NKAIN3: variants seen among roughly 807,000 people sequenced by gnomAD.
NKAIN3 encodes the protein sodium/potassium transporting ATPase interacting 3, also known as sodium/potassium-transporting ATPase subunit beta-1-interacting protein 3.
NKAIN3 carries 25 observed loss-of-function variants against 30.2 expected under a neutral mutation model. The observed-to-expected ratio is 0.83, with a 90% CI of 0.60 to 1.16. NKAIN3 has a LOEUF of 1.16. Among genes scored for constraint, NKAIN3 ranks in the 50% most tolerant of loss-of-function variants. The pLI is 0.00. For missense variants in NKAIN3, 225 were observed against 254.1 expected (o/e 0.89, Z 0.78); for synonymous variants, 91 against 89.6 (o/e 1.02, Z -0.09).
chr8:62,853,781 C>T (rs1223116584), intron 4 of NKAIN3, among the ~76,000 whole-genome samples: 3 of 152,082 alleles, frequency 2.0e-5, no homozygotes, highest in African/African-American at 7.2e-5. Context: ...GTTCTTTTAA[C>T]TGTGATGTTA....
chr8:62,417,035 C>T (rs1804468094), intron 1 of NKAIN3, among the ~76,000 whole-genome samples: 3 of 151,400 alleles, frequency 2.0e-5, no homozygotes, highest in Admixed American at 2.0e-4. Flanking sequence ...TATAGTCACC[C>T]TGTTGTACCA....
chr8:62,297,928 G>A (rs1813893566), intron 1 of NKAIN3, among the ~76,000 whole-genome samples: 1 of 152,192 alleles, frequency 6.6e-6, no homozygotes, highest in African/African-American at 2.4e-5. Context: ...CAACCCAAAT[G>A]TCCAACAATG....
At chr8:62,555,397 A>T (rs186158715) in intron 1 of NKAIN3, among the ~76,000 whole-genome samples, 1 of 152,244 alleles carries the variant, frequency 6.6e-6, no homozygotes. Context: ...TATTTGAATA[A>T]GAAACAAAAC....
At chr8:62,990,129 T>C in intron 5 of NKAIN3, 2 of 936,440 alleles carry the variant, frequency 2.1e-6, no homozygotes, top group Non-Finnish European at 3.3e-6. Context: ...TCAATTTAAA[T>C]GTTGATATTT....
At chr8:62,997,970 G>A (rs1804159967) in intron 5 of NKAIN3, among the ~76,000 whole-genome samples, 1 of 152,130 alleles carries the variant, frequency 6.6e-6, no homozygotes, top group East Asian at 1.9e-4. Context: ...GTTTGAGTTG[G>A]AATCAAGAAA....
intron 2 of NKAIN3, among the ~76,000 whole-genome samples, chr8:62,583,143 A>T (rs1392232008): frequency 1.6e-4 from 25 of 152,090 alleles, no homozygotes; most frequent in Non-Finnish European, 3.7e-4. Context: ...GAGAGCATAG[A>T]ATGTAATTAG....
intron 1 of NKAIN3, among the ~76,000 whole-genome samples, chr8:62,253,634 G>A (rs182399045): frequency 3.7e-4 from 57 of 152,214 alleles, no homozygotes; most frequent in African/African-American, 1.3e-3. Context: ...AAGAAAATCA[G>A]CATTTTTTCT....
intron 4 of NKAIN3, among the ~76,000 whole-genome samples, chr8:62,859,865 T>C (rs540452785): frequency 1.2e-4 from 18 of 152,308 alleles, no homozygotes; most frequent in South Asian, 6.2e-4. Flanking sequence ...AAAGAAGATA[T>C]AGCCCAGTAA....
At chr8:62,490,309 C>A (rs1807027785) in intron 1 of NKAIN3, among the ~76,000 whole-genome samples, 1 of 152,158 alleles carries the variant, frequency 6.6e-6, no homozygotes, top group Non-Finnish European at 1.5e-5. Flanking sequence ...TGGGTCCTAA[C>A]CTGCCCTTCT....
In NKAIN3 at chr8:62,452,715, T is replaced by C. The variant is rs575381531; in HGVS notation, c.55-126824T>C. The stretch of plus-strand genomic sequence containing the variant: ...TTTGTAATTTATCCCTTATCATTAC[T>C]CTTGATTTCTTAATTCCTTATTGAA... On this transcript the variant is annotated intron_variant, in intron 1 of 6. Transcript: ENST00000623646. 4.6e-5 allele frequency among the ~76,000 whole-genome samples: 7 copies of C among 152,310 alleles called. No individual in the cohort carries two copies. In the East Asian group the frequency reaches 1.4e-3, roughly 29 times the overall value.
chr8:62,705,406 A>G (rs776376035), intron 3 of NKAIN3, among the ~76,000 whole-genome samples: 8 of 152,156 alleles, frequency 5.3e-5, no homozygotes, highest in Non-Finnish European at 7.4e-5. Flanking sequence ...ACAACATTGG[A>G]CCTAGCAATT....
intron 4 of NKAIN3, among the ~76,000 whole-genome samples, chr8:62,760,039 T>C (rs1816594909): frequency 6.9e-6 from 1 of 144,638 alleles, no homozygotes; most frequent in South Asian, 2.2e-4. Flanking sequence ...TCATCATCAC[T>C]GGCCATCAGA....
At chr8:62,798,095 T>A (rs1379331195) in intron 4 of NKAIN3, among the ~76,000 whole-genome samples, 1 of 152,042 alleles carries the variant, frequency 6.6e-6, no homozygotes, top group African/African-American at 2.4e-5. Flanking sequence ...GTGCCCAAGG[T>A]CACACAGCTT....
In NKAIN3 at chr8:62,866,365, C is replaced by A. The variant is rs114367249; in HGVS notation, c.472-52088C>A. Among the ~76,000 whole-genome samples the A allele has an allele frequency of 7.8e-3, 1,193 of 152,268 alleles. 9 individuals carry two copies. The highest frequency in any genetic ancestry group is 0.027 in the African/African-American group (1,130 of 41,562). ...AAGGTAACAGTGATCATATTCATTC[C>A]GTAGGTAGCTTTATGTGTGGCTACA... On this transcript the variant is annotated intron_variant, in intron 4 of 6. Transcript: ENST00000623646.
At chr8:62,920,599 ATTAAC>A (rs2080115856) in intron 5 of NKAIN3, among the ~76,000 whole-genome samples, 1 of 152,294 alleles carries the variant, frequency 6.6e-6, no homozygotes, top group East Asian at 1.9e-4. Context: ...GATGTCTTTA[ATTAAC>A]TTAAGTTTCT....
intron 4 of NKAIN3, among the ~76,000 whole-genome samples, chr8:62,883,460 T>TTGTTTTTTTTTTTTA (rs1821055044): frequency 1.7e-4 from 2 of 11,778 alleles, no homozygotes; most frequent in Admixed American, 2.3e-3. Context: ...TTTATGGGTT[T>TTGTTTTTTTTTTTTA]TTTTTTTTTT....
intron 1 of NKAIN3, among the ~76,000 whole-genome samples, chr8:62,460,771 A>C (rs997815561): frequency 6.6e-6 from 1 of 152,184 alleles, no homozygotes; most frequent in African/African-American, 2.4e-5. Context: ...TGTACTTGAC[A>C]TTACTCAGAG....
rs73683430 is a variant in NKAIN3, at chr8:62,812,660, T to C, written c.471+65531T>C. The stretch of plus-strand genomic sequence containing the variant: ...TATAGACAATTATGTCATCTGCAAA[T>C]AGAAATGATTTTATTTCTTCCTTTC... On this transcript the variant is annotated intron_variant, in intron 4 of 6. Coordinates refer to ENST00000623646, the MANE Select transcript of NKAIN3 (RefSeq NM_001304533.3). 9.7e-3 allele frequency among the ~76,000 whole-genome samples: 1,473 copies of C among 151,906 alleles called. 21 individuals carry two copies. The highest frequency in any genetic ancestry group is 0.034 in the African/African-American group (1,394 of 41,528).
intron 4 of NKAIN3, among the ~76,000 whole-genome samples, chr8:62,798,840 G>A (rs575763584): frequency 2.0e-5 from 3 of 152,234 alleles, no homozygotes; most frequent in African/African-American, 7.2e-5. Flanking sequence ...TACCAAAAAT[G>A]TTGAAAGGAA....
Sources: allele counts gnomAD v4.1 joint callset (sites outside exome capture counted in the v4.1 genomes callset), GRCh38; gene constraint gnomAD v4.1.1; transcripts MANE v1.5; gene names NCBI Gene and HGNC (gene_info 2026-07-23, HGNC 2026-07-21).